The following JAK2 variants were observed in gnomAD, a reference collection of about 807,000 sequenced individuals.
JAK2 encodes the protein Janus kinase 2.
JAK2 carries 86 observed loss-of-function variants against 139.3 expected under a neutral mutation model. That is an observed-to-expected ratio of 0.62 (90% confidence interval 0.52 to 0.74). The LOEUF (loss-of-function observed/expected upper bound fraction) is 0.74, where lower values mean the gene tolerates loss of function less well. JAK2 is among the 30% of genes least tolerant of loss of function. The pLI, the probability that JAK2 is intolerant of heterozygous loss-of-function variation, is 0.00. For synonymous variants in JAK2, 490 were observed against 437.7 expected (o/e 1.12, Z -1.49); for missense variants, 1,421 against 1,360.3 (o/e 1.04, Z -0.70).
At chr9:5,098,007 G>A (rs1821148838) in intron 22 of JAK2, 1 of 152,134 alleles carries the variant, frequency 6.6e-6, no homozygotes, top group Non-Finnish European at 1.5e-5. Context: ...TACACCGCAT[G>A]AAATATTATC....
chr9:5,070,200 A>C (rs1173352031), intron 12 of JAK2, 148 bp downstream of exon 12: 2 of 474,298 alleles, frequency 4.2e-6, no homozygotes, highest in Non-Finnish European at 7.2e-6. Flanking sequence ...AAATATGCCA[A>C]CCTTGTGTTA....
At chr9:5,068,348 C>T (rs1185073252) in intron 10 of JAK2, among the ~76,000 whole-genome samples, 2 of 152,084 alleles carry the variant, frequency 1.3e-5, no homozygotes, top group Non-Finnish European at 2.9e-5. Flanking sequence ...TATTTAAAAA[C>T]TGCAAAATAT....
chr9:5,013,016 T>C (rs1480710210), intron 2 of JAK2, among the ~76,000 whole-genome samples: 1 of 152,164 alleles, frequency 6.6e-6, no homozygotes, highest in Non-Finnish European at 1.5e-5. Flanking sequence ...TGAAATATAG[T>C]TTGGAAGTAA....
intron 2 of JAK2, among the ~76,000 whole-genome samples, chr9:5,012,112 A>C (rs1428141431): frequency 6.6e-6 from 1 of 152,082 alleles, no homozygotes; most frequent in Admixed American, 6.5e-5. Flanking sequence ...TCTGCCCTCA[A>C]TTTTTGGCTT....
At chr9:5,033,939 G>C (rs889407238) in intron 4 of JAK2, among the ~76,000 whole-genome samples, 7 of 152,164 alleles carry the variant, frequency 4.6e-5, no homozygotes, top group Non-Finnish European at 7.3e-5. Context: ...AAAAGACACA[G>C]ACTGGTAAAC....
intron 2 of JAK2, among the ~76,000 whole-genome samples, chr9:5,006,604 G>GA (rs1446517821): frequency 3.3e-5 from 5 of 152,070 alleles, no homozygotes; most frequent in Non-Finnish European, 5.9e-5. Context: ...AGGTGAAGGG[G>GA]AAAAAAGTAC....
intron 22 of JAK2, among the ~76,000 whole-genome samples, chr9:5,092,842 C>T (rs552901866): frequency 6.6e-6 from 1 of 152,290 alleles, no homozygotes; most frequent in South Asian, 2.1e-4. Flanking sequence ...CAGCTTTAAA[C>T]TTACCCACAG....
rs1225719628 is a variant in JAK2 at position 5,123,872 on chromosome 9, T to C, written c.3177+751T>C. Among the ~76,000 whole-genome samples the C allele has an allele frequency of 7.9e-5, 12 of 151,568 alleles. 1 individual carries two copies. The South Asian group carries it at 2.3e-3, about 29-fold the overall frequency. ...CTGACTGGAGTCAGACATATCTCAC[T>C]GGGGTAATTTTTTCTCTTTTTTTTT... On this transcript the variant is annotated intron_variant, in intron 23 of 24. Coordinates refer to ENST00000381652, the MANE Select transcript of JAK2 (RefSeq NM_004972.4).
At chr9:5,123,778 A>G (rs1823789969) in intron 23 of JAK2, among the ~76,000 whole-genome samples, 1 of 151,922 alleles carries the variant, frequency 6.6e-6, no homozygotes, top group African/African-American at 2.4e-5. Context: ...ACAGTGTATA[A>G]GAGTTCCCTT....
intron 9 of JAK2, among the ~76,000 whole-genome samples, chr9:5,066,424 C>T (rs1017574144): frequency 6.6e-6 from 1 of 151,938 alleles, no homozygotes; most frequent in African/African-American, 2.4e-5. Flanking sequence ...ACAAATTGTT[C>T]TTTGTGATTT....
At chr9:5,111,081 C>A in intron 22 of JAK2, 2 of 1,219,952 alleles carry the variant, frequency 1.6e-6, no homozygotes, top group African/African-American at 1.5e-5. Context: ...CCAGCTCAGG[C>A]TCCTGGGGCA....
At chr9:5,055,271 T>C (rs535787357) in intron 7 of JAK2, among the ~76,000 whole-genome samples, 1 of 152,174 alleles carries the variant, frequency 6.6e-6, no homozygotes, top group East Asian at 1.9e-4. Flanking sequence ...AATGAATTTA[T>C]TTTAGGTTTG....
At chr9:5,114,743 G>C in intron 22 of JAK2, 1 of 344,568 alleles carries the variant, frequency 2.9e-6, no homozygotes, top group Non-Finnish European at 5.7e-6. Context: ...TCTGCTCTGT[G>C]GTCCATGAGA....
chr9:5,127,443 T>G lies in JAK2; in HGVS notation c.*652T>G, dbSNP rs1163185243. ...ACATAAAGGGAACAAATGTCTAGTT[T>G]TATTTGTATAGGAAATTTCCCTGAC... On this transcript the variant is annotated 3_prime_UTR_variant, in exon 25 of 25. Coordinates refer to ENST00000381652, the MANE Select transcript of JAK2 (RefSeq NM_004972.4). The G allele has an allele frequency of 4.3e-6, 1 of 231,626 alleles. No homozygotes were observed. The highest frequency in any genetic ancestry group is 8.6e-6 in the Non-Finnish European group (1 of 116,622). 14.3% of individuals were successfully genotyped at this position (231,626 alleles called of 1,614,324 possible). A position where few individuals can be genotyped will look rare whatever the true frequency, so the allele number is the denominator to read the frequency against.
intron 13 of JAK2, 128 bp from the exon 14 acceptor site, chr9:5,073,570 T>G: frequency 1.4e-6 from 1 of 720,770 alleles, no homozygotes; most frequent in East Asian, 2.5e-5. Context: ...CCAAAGCACA[T>G]TGTATCCTCA....
At chr9:5,017,342 C>T (rs1822133249) in intron 2 of JAK2, among the ~76,000 whole-genome samples, 1 of 152,200 alleles carries the variant, frequency 6.6e-6, no homozygotes, top group Non-Finnish European at 1.5e-5. Context: ...AATCCAAAGT[C>T]AGTGGTGGGC....
chr9:5,011,701 G>T (rs1191816611), intron 2 of JAK2, among the ~76,000 whole-genome samples: 1 of 151,954 alleles, frequency 6.6e-6, no homozygotes, highest in Non-Finnish European at 1.5e-5. Context: ...TACATTGTGG[G>T]TGATACAGTG....
chr9:5,111,820 TC>T, intron 22 of JAK2: 1 of 418,954 alleles, frequency 2.4e-6, no homozygotes, highest in Non-Finnish European at 4.7e-6. Context: ...AGGCGGCGTC[TC>T]CAGCCACACG....
chr9:5,058,740 T>C (rs1563964136), intron 8 of JAK2, among the ~76,000 whole-genome samples: 1 of 152,190 alleles, frequency 6.6e-6, no homozygotes, highest in African/African-American at 2.4e-5. Flanking sequence ...ATCTGATGGG[T>C]GTGAAGTAGT....
Sources: gnomAD v4.1 joint callset for allele counts (sites outside exome capture counted in the v4.1 genomes callset) on GRCh38, gnomAD v4.1.1 for gene constraint, MANE v1.5 for transcripts, NCBI Gene and HGNC (gene_info 2026-07-23, HGNC 2026-07-21) for gene names.